The following ARHGEF33 variants were observed in gnomAD, a reference collection of about 807,000 sequenced individuals.
ARHGEF33 encodes the protein Rho guanine nucleotide exchange factor 33.
ARHGEF33 carries 72 observed loss-of-function variants against 101.9 expected under a neutral mutation model. The ratio of observed to expected loss-of-function variants is 0.71; its 90% CI spans 0.58 to 0.86. The LOEUF (loss-of-function observed/expected upper bound fraction) is 0.86. Among genes scored for constraint, ARHGEF33 ranks in the 40% least tolerant of loss-of-function variants. The probability of loss-of-function intolerance (pLI) is 0.00; values close to 1 mark genes in which losing one functional copy is unlikely to be tolerated. For synonymous variants in ARHGEF33, 499 were observed against 442.5 expected (o/e 1.13, Z -1.60); for missense variants, 1,169 against 1,111.3 (o/e 1.05, Z -0.74).
intron 10 of ARHGEF33, 129 bp downstream of exon 10, chr2:38,944,159 G>A (rs1667381476): frequency 2.2e-6 from 2 of 907,402 alleles, no homozygotes; most frequent in African/African-American, 1.7e-5. Flanking sequence ...AAGAGAAGAG[G>A]CAGTGATGGC....
intron 11 of ARHGEF33, among the ~76,000 whole-genome samples, chr2:38,951,461 T>C (rs1667602222): frequency 6.6e-6 from 1 of 152,210 alleles, no homozygotes; most frequent in South Asian, 2.1e-4. Context: ...TGTTTTTATA[T>C]AAATGTATGT....
In ARHGEF33 at chr2:38,889,901, C is replaced by T; in HGVS notation, c.-244C>T. 1 of 471,000 alleles carries T rather than the reference C, an allele frequency of 2.1e-6. No homozygotes were observed. Among genetic ancestry groups the T allele is most frequent in the South Asian group, 1.5e-5 (1 of 64,544 alleles). 29.2% of individuals were successfully genotyped at this position (471,000 alleles called of 1,614,324 possible). A position where few individuals can be genotyped will look rare whatever the true frequency, so the allele number is the denominator to read the frequency against. ...TTTCAGGGGAAGTCAAGCCTCTCTACTGCTTCTTTTTATAACCTTTAAGTT... is the reference window on the plus strand; with the variant it reads ...TTTCAGGGGAAGTCAAGCCTCTCTATTGCTTCTTTTTATAACCTTTAAGTT... On this transcript the variant is annotated 5_prime_UTR_variant, in exon 1 of 18. Coordinates refer to ENST00000409978, the MANE Select transcript of ARHGEF33 (RefSeq NM_001145451.5).
At chr2:38,944,216 T>C (rs144542367) in intron 10 of ARHGEF33, among the ~76,000 whole-genome samples, 186 bp downstream of exon 10, 197 of 152,352 alleles carry the variant, frequency 1.3e-3, no homozygotes, top group African/African-American at 4.4e-3. Flanking sequence ...TATCGTAGAC[T>C]GGATAACTTT....
At chr2:38,901,440 T>C (rs1271336970) in intron 2 of ARHGEF33, among the ~76,000 whole-genome samples, 2 of 152,164 alleles carry the variant, frequency 1.3e-5, no homozygotes, top group Admixed American at 1.3e-4. Flanking sequence ...GAGCGCTCCA[T>C]TCTGAGGGCT....
At chr2:38,937,936 C>T (rs187496161) in intron 9 of ARHGEF33, among the ~76,000 whole-genome samples, 68 of 152,280 alleles carry the variant, frequency 4.5e-4, no homozygotes, top group Non-Finnish European at 8.5e-4. Context: ...CCTGTCCTCC[C>T]TCCTTTTTCC....
intron 2 of ARHGEF33, among the ~76,000 whole-genome samples, chr2:38,902,536 G>C (rs1323579154): frequency 6.6e-6 from 1 of 152,220 alleles, no homozygotes; most frequent in African/African-American, 2.4e-5. Context: ...TTGGCTGGCT[G>C]ATCTCTGTAT....
Position 38,919,530 on chromosome 2 carries a change from G to T in ARHGEF33, c.25+58G>T, listed in dbSNP as rs371790109. 2.5e-5 allele frequency: 38 copies of T among 1,519,018 alleles called. No homozygotes were observed. In the African/African-American group the frequency reaches 4.7e-4, roughly 19 times the overall value. The allele number at this position is 1,519,018 out of a possible 1,614,324, so 94.1% of individuals were successfully genotyped here. A position where few individuals can be genotyped will look rare whatever the true frequency, so the allele number is the denominator to read the frequency against. ...TAGGATTCAAGGAATGTAGGTTTTTGTCTTGTCTTACCACTGTCTCGAGAC... is the reference window on the plus strand; with the variant it reads ...TAGGATTCAAGGAATGTAGGTTTTTTTCTTGTCTTACCACTGTCTCGAGAC... On this transcript the variant is annotated intron_variant, in intron 3 of 17. Coordinates refer to ENST00000409978, the MANE Select transcript of ARHGEF33 (RefSeq NM_001145451.5).
At chr2:38,934,790 C>A (rs184407152) in intron 7 of ARHGEF33, among the ~76,000 whole-genome samples, 153 of 150,782 alleles carry the variant, frequency 1.0e-3, no homozygotes, top group African/African-American at 3.6e-3. Context: ...AGACAATAAA[C>A]AAGATAAGTA....
chr2:38,967,636 C>T (rs758228417), intron 17 of ARHGEF33, among the ~76,000 whole-genome samples: 8 of 151,910 alleles, frequency 5.3e-5, no homozygotes, highest in Non-Finnish European at 1.0e-4. Context: ...AGTGCAATGG[C>T]GCAATCTCGG....
chr2:38,923,574 A>C (rs1447576392), intron 4 of ARHGEF33, among the ~76,000 whole-genome samples: 1 of 152,062 alleles, frequency 6.6e-6, no homozygotes, highest in Non-Finnish European at 1.5e-5. Flanking sequence ...AATTTAGTCC[A>C]TTTTCCTCTC....
chr2:38,919,383 C>T lies in ARHGEF33; in HGVS notation c.-65C>T, dbSNP rs1666706646. ...GACAGGTGCAGGGAAGAGGAGGTGG[C>T]CTGAGCCAGGACGATGAGGATGCAA... is the stretch of plus-strand genomic sequence containing the variant. On this transcript the variant is annotated 5_prime_UTR_variant, in exon 3 of 18. Transcript: ENST00000409978. 4.6e-6 allele frequency: 7 copies of T among 1,526,956 alleles called. No individual in the cohort carries two copies. The highest frequency in any genetic ancestry group is 2.0e-5 in the Admixed American group (1 of 50,928). 94.6% of individuals were successfully genotyped at this position (1,526,956 alleles called of 1,614,324 possible). A position where few individuals can be genotyped will look rare whatever the true frequency, so the allele number is the denominator to read the frequency against.
chr2:38,961,963 C>G (rs565889836), intron 16 of ARHGEF33, among the ~76,000 whole-genome samples: 120 of 152,060 alleles, frequency 7.9e-4, no homozygotes, highest in Non-Finnish European at 1.5e-3. Flanking sequence ...GAAATTAGGC[C>G]AGAGGAACAG....
intron 17 of ARHGEF33, among the ~76,000 whole-genome samples, chr2:38,968,666 A>G (rs906977895): frequency 6.6e-6 from 1 of 152,210 alleles, no homozygotes; most frequent in Admixed American, 6.5e-5. Flanking sequence ...TCCCTCCTGC[A>G]TCAATCATGT....
chr2:38,950,542 C>G (rs1216291981), intron 10 of ARHGEF33, among the ~76,000 whole-genome samples: 1 of 152,180 alleles, frequency 6.6e-6, no homozygotes, highest in Non-Finnish European at 1.5e-5. Context: ...ACCTGTACCT[C>G]CCGGATTCAA....
rs373447797 is a variant in ARHGEF33, at chr2:38,893,785, C to T, written c.-158-1992C>T. 1.9e-4 allele frequency among the ~76,000 whole-genome samples: 29 copies of T among 152,288 alleles called. No individual in the cohort carries two copies. In the East Asian group the frequency reaches 2.5e-3, roughly 13 times the overall value. ...TGAACTCTGTTTAAACCCCTAAAAACTTAATTTTAGCCAAACTTTCTTTCT... is the reference window on the plus strand; with the variant it reads ...TGAACTCTGTTTAAACCCCTAAAAATTTAATTTTAGCCAAACTTTCTTTCT... On this transcript the variant is annotated intron_variant, in intron 1 of 17. Coordinates refer to ENST00000409978, the MANE Select transcript of ARHGEF33 (RefSeq NM_001145451.5).
intron 14 of ARHGEF33, 37 bp downstream of exon 14, chr2:38,957,084 C>G: frequency 6.5e-7 from 1 of 1,550,042 alleles, no homozygotes; most frequent in Non-Finnish European, 8.7e-7. Context: ...GGGTCGAAGA[C>G]CAGTTACTAT....
chr2:38,933,925 T>C (rs1558432908), intron 7 of ARHGEF33, among the ~76,000 whole-genome samples: 1 of 152,236 alleles, frequency 6.6e-6, no homozygotes, highest in Non-Finnish European at 1.5e-5. Context: ...CTGATAATTG[T>C]AGAACTTGTC....
intron 14 of ARHGEF33, among the ~76,000 whole-genome samples, chr2:38,957,463 C>T (rs1444563349): frequency 6.6e-6 from 1 of 152,214 alleles, no homozygotes; most frequent in East Asian, 1.9e-4. Context: ...AACAAAATGG[C>T]CCCAACCAAA....
At chr2:38,906,124 G>A (rs1177817125) in intron 2 of ARHGEF33, among the ~76,000 whole-genome samples, 1 of 149,476 alleles carries the variant, frequency 6.7e-6, no homozygotes, top group African/African-American at 2.5e-5. Context: ...CCAAGATTGT[G>A]CCAAGATTGA....
Sources: gnomAD v4.1 joint callset for allele counts (sites outside exome capture counted in the v4.1 genomes callset) on GRCh38, gnomAD v4.1.1 for gene constraint, MANE v1.5 for transcripts, NCBI Gene and HGNC (gene_info 2026-07-23, HGNC 2026-07-21) for gene names.